The following ZDHHC14 variants were observed in gnomAD, a reference collection of about 807,000 sequenced individuals.
ZDHHC14 encodes the protein zDHHC palmitoyltransferase 14.
A neutral mutation model predicts 47.7 loss-of-function variants in ZDHHC14; 16 were observed. That is an observed-to-expected ratio of 0.34 (90% CI 0.23 to 0.51). ZDHHC14 has a LOEUF of 0.51. Ranked by LOEUF, ZDHHC14 falls within the 20% of genes least tolerant of loss-of-function variation. ZDHHC14 has a pLI of 0.97. For synonymous variants in ZDHHC14, 293 were observed against 278.9 expected (o/e 1.05, Z -0.50); for missense variants, 515 against 662.5 (o/e 0.78, Z 2.44).
At chr6:157,571,910 GT>G (rs1783114171) in intron 2 of ZDHHC14, among the ~76,000 whole-genome samples, 1 of 151,088 alleles carries the variant, frequency 6.6e-6, no homozygotes, top group South Asian at 2.1e-4. Context: ...CTGCTAATAA[GT>G]GTGTGCACCT....
chr6:157,570,772 T>C (rs536807748), intron 2 of ZDHHC14, among the ~76,000 whole-genome samples: 15 of 140,840 alleles, frequency 1.1e-4, no homozygotes, highest in Admixed American at 2.1e-4. Context: ...CACACACACA[T>C]ATATATATAC....
intron 1 of ZDHHC14, among the ~76,000 whole-genome samples, chr6:157,522,980 CT>C (rs1197674585): frequency 2.5e-3 from 43 of 17,292 alleles, no homozygotes; most frequent in African/African-American, 0.01. Flanking sequence ...CTTTTCTTTT[CT>C]TTTTCTTTTC....
intron 1 of ZDHHC14, among the ~76,000 whole-genome samples, chr6:157,398,752 TCTTA>T (rs753284927): frequency 3.3e-5 from 5 of 152,228 alleles, no homozygotes; most frequent in Non-Finnish European, 7.3e-5. Context: ...ATTTTGCCAT[TCTTA>T]CTTATTTTCC....
intron 2 of ZDHHC14, among the ~76,000 whole-genome samples, chr6:157,552,120 C>T (rs1782258367): frequency 6.6e-6 from 1 of 152,104 alleles, no homozygotes; most frequent in Non-Finnish European, 1.5e-5. Context: ...CGTGCACACC[C>T]ATGTAAATTC....
chr6:157,545,492 C>T (rs548483102), intron 2 of ZDHHC14, among the ~76,000 whole-genome samples: 2 of 152,036 alleles, frequency 1.3e-5, no homozygotes, highest in South Asian at 4.2e-4. Context: ...CTGGCTAACA[C>T]AGTGAAACCC....
chr6:157,580,815 C>CT (rs993734367), intron 2 of ZDHHC14, among the ~76,000 whole-genome samples: 1 of 151,554 alleles, frequency 6.6e-6, no homozygotes, highest in Non-Finnish European at 1.5e-5. Context: ...GATTTCCCTC[C>CT]TTTTTTTATT....
intron 1 of ZDHHC14, among the ~76,000 whole-genome samples, chr6:157,444,864 G>A (rs985585345): frequency 2.0e-5 from 3 of 152,180 alleles, no homozygotes; most frequent in South Asian, 2.1e-4. Context: ...ACCAAAGTGG[G>A]TACGGGAGGG....
chr6:157,395,690 A>G (rs369523083), intron 1 of ZDHHC14, among the ~76,000 whole-genome samples: 1 of 151,890 alleles, frequency 6.6e-6, no homozygotes, highest in African/African-American at 2.4e-5. Context: ...GATACTCGGA[A>G]GGCTGAGGCA....
chr6:157,480,615 C>T (rs977234602), intron 1 of ZDHHC14, among the ~76,000 whole-genome samples: 22 of 152,204 alleles, frequency 1.4e-4, no homozygotes, highest in African/African-American at 5.3e-4. Flanking sequence ...GGTGAACTCG[C>T]TTATGGCCTG....
At chr6:157,396,632 G>T (rs147729639) in intron 1 of ZDHHC14, among the ~76,000 whole-genome samples, 1 of 152,302 alleles carries the variant, frequency 6.6e-6, no homozygotes, top group South Asian at 2.1e-4. Flanking sequence ...CAGTCAAATG[G>T]TGATTATGGC....
chr6:157,456,523 C>G (rs887074924), intron 1 of ZDHHC14, among the ~76,000 whole-genome samples: 1 of 152,092 alleles, frequency 6.6e-6, no homozygotes, highest in Non-Finnish European at 1.5e-5. Flanking sequence ...AGGGACCTGA[C>G]GTGACATTAT....
At chr6:157,519,510 A>T (rs1166114772) in intron 1 of ZDHHC14, among the ~76,000 whole-genome samples, 2 of 152,158 alleles carry the variant, frequency 1.3e-5, no homozygotes, top group Non-Finnish European at 2.9e-5. Context: ...TAAATGAGAT[A>T]CTTTTTCTAA....
chr6:157,657,484 G>A (rs1034235627), intron 8 of ZDHHC14, among the ~76,000 whole-genome samples: 1 of 152,132 alleles, frequency 6.6e-6, no homozygotes, highest in Non-Finnish European at 1.5e-5. Context: ...ACACTCCAGC[G>A]TCACAGCCCC....
At chr6:157,591,576 T>C (rs2114889794) in intron 2 of ZDHHC14, among the ~76,000 whole-genome samples, 1 of 152,334 alleles carries the variant, frequency 6.6e-6, no homozygotes, top group East Asian at 1.9e-4. Context: ...ACTAAACCTC[T>C]TTCCTTTATC....
intron 1 of ZDHHC14, among the ~76,000 whole-genome samples, chr6:157,443,520 T>C (rs1377262303): frequency 1.3e-5 from 2 of 152,142 alleles, no homozygotes; most frequent in African/African-American, 2.4e-5. Flanking sequence ...AGAAACCAGA[T>C]GGTGGAATTT....
At chr6:157,536,819 CTTT>C (rs768063106) in intron 1 of ZDHHC14, among the ~76,000 whole-genome samples, 1 of 97,996 alleles carries the variant, frequency 1.0e-5, no homozygotes. Flanking sequence ...CTCCATCTAT[CTTT>C]TTTTTTTTTT....
chr6:157,467,319 C>T (rs539993721), intron 1 of ZDHHC14, among the ~76,000 whole-genome samples: 2 of 152,178 alleles, frequency 1.3e-5, no homozygotes, highest in African/African-American at 4.8e-5. Context: ...GTTGCTCCCC[C>T]TGTCCTACCC....
At chr6:157,608,837 G>C (rs1784647139) in intron 3 of ZDHHC14, among the ~76,000 whole-genome samples, 2 of 152,190 alleles carry the variant, frequency 1.3e-5, no homozygotes. Flanking sequence ...AGACGAGAGG[G>C]GGGGCTGTCC....
At chr6:157,457,230 G>T (rs992739) in intron 1 of ZDHHC14, among the ~76,000 whole-genome samples, 118,382 of 150,398 alleles carry the variant, frequency 0.79, 46,762 homozygotes, top group East Asian at 0.92. Flanking sequence ...GCGCCAGAGT[G>T]GGCCACAGAC....
Sources: gnomAD v4.1 joint callset for allele counts (sites outside exome capture counted in the v4.1 genomes callset) on GRCh38, gnomAD v4.1.1 for gene constraint, MANE v1.5 for transcripts, NCBI Gene and HGNC (gene_info 2026-07-23, HGNC 2026-07-21) for gene names.